The following CSMD2 variants were observed in gnomAD, a reference collection of about 807,000 sequenced individuals.
CSMD2 encodes CUB and sushi domain-containing protein 2.
CSMD2 carries 130 observed loss-of-function variants against 398.5 expected under a neutral mutation model. The observed-to-expected ratio is 0.33, with a 90% CI of 0.28 to 0.38. The LOEUF (loss-of-function observed/expected upper bound fraction) is 0.38, where lower values mean the gene tolerates loss of function less well. Among genes scored for constraint, CSMD2 ranks in the 10% least tolerant of loss-of-function variants. CSMD2 has a pLI of 1.00. For synonymous variants in CSMD2, 1,828 were observed against 1,908.5 expected, an observed-to-expected ratio of 0.96 and a Z score of 1.10; for missense variants, 3,829 against 4,764.9, an observed-to-expected ratio of 0.80 and a Z score of 5.78.
Position 33,578,029 on chromosome 1 carries a change from C to T in CSMD2, c.7388-545G>A, listed in dbSNP as rs377315411. ...CAATTTAAGCTGTATATGTAGATTG[C>T]GTACATAAAGCCCCCAGCACAGCAT... On this transcript the variant is annotated intron_variant, in intron 48 of 70. Transcript: ENST00000373381. Among the ~76,000 whole-genome samples the T allele has an allele frequency of 6.8e-4, 103 of 152,218 alleles. 2 individuals are homozygous for T. The highest frequency in any genetic ancestry group is 2.2e-3 in the African/African-American group (90 of 41,536).
intron 1 of CSMD2, among the ~76,000 whole-genome samples, chr1:34,134,557 C>T (rs1046338429): frequency 1.1e-4 from 16 of 152,042 alleles, no homozygotes; most frequent in African/African-American, 3.9e-4. Context: ...AACCAGAAGC[C>T]AAAACACTGA....
Position 33,550,685 on chromosome 1 carries a change from G to A in CSMD2, c.8744-335C>T, listed in dbSNP as rs904749891. 1.5e-4 allele frequency among the ~76,000 whole-genome samples: 23 copies of A among 152,326 alleles called. 1 individual carries two copies. The highest frequency in any genetic ancestry group is 9.8e-4 in the Admixed American group (15 of 15,304). On this transcript the variant is annotated intron_variant, in intron 55 of 70. Transcript: ENST00000373381. Reference sequence around the variant, plus strand: ...TCTGGGCAGGAAGGTGGTACGCAGAGTATACACAAGACAAAAATGGGAGCT... The same window carrying A: ...TCTGGGCAGGAAGGTGGTACGCAGAATATACACAAGACAAAAATGGGAGCT...
chr1:33,973,542 G>A (rs1411271616), intron 3 of CSMD2, among the ~76,000 whole-genome samples: 7 of 152,244 alleles, frequency 4.6e-5, no homozygotes, highest in Non-Finnish European at 1.0e-4. Flanking sequence ...CAGGGTACAA[G>A]GTAGCTGGGT....
chr1:33,904,894 C>T (rs1642990894), intron 5 of CSMD2, among the ~76,000 whole-genome samples: 1 of 152,188 alleles, frequency 6.6e-6, no homozygotes, highest in Non-Finnish European at 1.5e-5. Context: ...CATCTGCCCG[C>T]CTCGGCCTCC....
chr1:33,619,591 C>T (rs1411623996), intron 37 of CSMD2, among the ~76,000 whole-genome samples: 1 of 152,194 alleles, frequency 6.6e-6, no homozygotes, highest in African/African-American at 2.4e-5. Flanking sequence ...ACATCATAAT[C>T]TTGAGTGTAC....
intron 4 of CSMD2, among the ~76,000 whole-genome samples, chr1:33,926,041 C>T (rs997633791): frequency 2.1e-4 from 32 of 152,240 alleles, no homozygotes; most frequent in African/African-American, 7.2e-4. Flanking sequence ...CTGAGCACCA[C>T]ATATTTTGCC....
At chr1:34,052,877 AAG>A (rs1653374887) in intron 2 of CSMD2, among the ~76,000 whole-genome samples, 1 of 152,118 alleles carries the variant, frequency 6.6e-6, no homozygotes, top group East Asian at 1.9e-4. Flanking sequence ...AGAGACGACT[AAG>A]AGGGTCCGTG....
At chr1:33,848,548 C>CA (rs1421385507) in intron 5 of CSMD2, among the ~76,000 whole-genome samples, 1 of 152,086 alleles carries the variant, frequency 6.6e-6, no homozygotes, top group African/African-American at 2.4e-5. Context: ...TCTGGAGGTG[C>CA]AAATGGAAGA....
chr1:33,757,545 C>T (rs1006652102), intron 13 of CSMD2, among the ~76,000 whole-genome samples: 1 of 152,112 alleles, frequency 6.6e-6, no homozygotes, highest in Non-Finnish European at 1.5e-5. Context: ...TCTCACTCCC[C>T]ACTCTTGCTT....
chr1:34,011,936 GA>G (rs1317918826), intron 3 of CSMD2, among the ~76,000 whole-genome samples: 3 of 152,102 alleles, frequency 2.0e-5, no homozygotes, highest in Admixed American at 6.5e-5. Flanking sequence ...TGAGTTAAAT[GA>G]AAAGGAGTAA....
intron 3 of CSMD2, among the ~76,000 whole-genome samples, chr1:33,948,878 G>A (rs951418280): frequency 6.6e-6 from 1 of 152,322 alleles, no homozygotes; most frequent in South Asian, 2.1e-4. Flanking sequence ...TTCAGAGGTA[G>A]GGATCAAGGG....
chr1:34,065,631 C>G (rs574165809), intron 2 of CSMD2, among the ~76,000 whole-genome samples: 7 of 152,266 alleles, frequency 4.6e-5, no homozygotes, highest in Admixed American at 1.3e-4. Context: ...ATTTTCTTAT[C>G]TGTGCAATGC....
intron 44 of CSMD2, chr1:33,592,064 G>A (rs1230184752): frequency 3.0e-6 from 1 of 335,734 alleles, no homozygotes; most frequent in African/African-American, 2.1e-5. Flanking sequence ...GGAACCTTTG[G>A]ATGTAAATAA....
At chr1:33,800,456 T>C (rs1482361782) in intron 10 of CSMD2, among the ~76,000 whole-genome samples, 1 of 152,178 alleles carries the variant, frequency 6.6e-6, no homozygotes, top group Middle Eastern at 3.2e-3. Context: ...CTTGGACTCA[T>C]TCACTTATGG....
At chr1:33,907,877 A>G (rs1464669100) in intron 5 of CSMD2, among the ~76,000 whole-genome samples, 1 of 152,082 alleles carries the variant, frequency 6.6e-6, no homozygotes, top group East Asian at 1.9e-4. Flanking sequence ...ACCTGAGGTC[A>G]GGAGTTTGAG....
chr1:33,761,255 T>C (rs982022559), intron 13 of CSMD2, among the ~76,000 whole-genome samples: 12 of 152,130 alleles, frequency 7.9e-5, no homozygotes, highest in African/African-American at 2.7e-4. Flanking sequence ...TGACCCAGTC[T>C]TTCCATGTCC....
intron 15 of CSMD2, among the ~76,000 whole-genome samples, chr1:33,737,459 A>G (rs1646920459): frequency 6.6e-6 from 1 of 152,160 alleles, no homozygotes; most frequent in South Asian, 2.1e-4. Flanking sequence ...ACACTTATTG[A>G]GTGTTACCTC....
Position 33,993,345 on chromosome 1 carries a change from C to T in CSMD2, c.517+39249G>A, listed in dbSNP as rs1646623615. Among the ~76,000 whole-genome samples, 3 of 152,210 alleles carry T rather than the reference C, an allele frequency of 2.0e-5. No homozygotes were observed. In the South Asian group the frequency reaches 6.2e-4, roughly 32 times the overall value. ...AAAAACTTGGTTTACAGAACCACAA[C>T]AGGTCACACTGGCTCCCTCCCTCAC... On this transcript the variant is annotated intron_variant, in intron 3 of 70. Coordinates refer to ENST00000373381, the MANE Select transcript of CSMD2 (RefSeq NM_001281956.2).
chr1:34,015,793 G>A (rs985148262), intron 3 of CSMD2, among the ~76,000 whole-genome samples: 3 of 152,146 alleles, frequency 2.0e-5, no homozygotes, highest in South Asian at 2.1e-4. Flanking sequence ...TTGGATTAGC[G>A]ACTCCTAGAT....
Sources: gnomAD v4.1 joint callset for allele counts (sites outside exome capture counted in the v4.1 genomes callset) on GRCh38, gnomAD v4.1.1 for gene constraint, MANE v1.5 for transcripts, NCBI Gene and HGNC (gene_info 2026-07-23, HGNC 2026-07-21) for gene names.